CADM3: variants seen among roughly 807,000 people sequenced by gnomAD.
CADM3 encodes the protein TSLC1-like 1.
Under a neutral mutation model 44.9 loss-of-function variants are expected in CADM3, and 11 were observed. The ratio of observed to expected loss-of-function variants is 0.25; its 90% CI spans 0.15 to 0.41. The LOEUF is 0.41. Among genes scored for constraint, CADM3 ranks in the 10% least tolerant of loss-of-function variants. CADM3 has a pLI of 1.00. For missense variants in CADM3, 426 were observed against 512.0 expected (o/e 0.83, Z 1.62); for synonymous variants, 207 against 205.2 (o/e 1.01, Z -0.08).
At chr1:159,182,449 A>G (rs909572708) in intron 1 of CADM3, among the ~76,000 whole-genome samples, 2 of 152,168 alleles carry the variant, frequency 1.3e-5, no homozygotes, top group African/African-American at 4.8e-5. Flanking sequence ...TAAACTATCA[A>G]TGAGTACAGG....
At chr1:159,200,621 G>A (rs1650143139) in intron 8 of CADM3, among the ~76,000 whole-genome samples, 183 bp from the exon 9 acceptor site, 1 of 152,162 alleles carries the variant, frequency 6.6e-6, no homozygotes, top group Non-Finnish European at 1.5e-5. Flanking sequence ...ATTCATGAAG[G>A]GTGTGGTCAG....
At chr1:159,179,659 C>T (rs971930634) in intron 1 of CADM3, among the ~76,000 whole-genome samples, 1 of 152,158 alleles carries the variant, frequency 6.6e-6, no homozygotes, top group African/African-American at 2.4e-5. Flanking sequence ...TATGACCTGG[C>T]GCTTTGCTTC....
At chr1:159,183,378 A>G (rs1337296062) in intron 1 of CADM3, among the ~76,000 whole-genome samples, 1 of 152,192 alleles carries the variant, frequency 6.6e-6, no homozygotes, top group Non-Finnish European at 1.5e-5. Context: ...TAGTTTATCA[A>G]GAGGCTGCTT....
chr1:159,199,772 C>A lies in CADM3; in HGVS notation c.974C>A (p.Ser325Tyr), dbSNP rs747448204. The A allele has an allele frequency of 2.5e-6, 4 of 1,614,004 alleles. No individual in the cohort carries two copies. In the Admixed American group the frequency reaches 6.7e-5, roughly 27 times the overall value. ...NVNDPSPVPS[S>Y]SSTYHAIIGG... is the part of the protein sequence containing the mutation. ...CCAGACCCCAGTCCGGTGCCCTCCT[C>A]CTCCAGCACCTACCACGCCATCATC... Residue 325 changes from serine to tyrosine, a missense_variant, in exon 8 of 9, where the codon TCC becomes TAC. By Grantham distance (144) the Ser-to-Tyr change is moderately radical (BLOSUM62 -2). Coordinates refer to ENST00000368125, the MANE Select transcript of CADM3 (RefSeq NM_001127173.3).
intron 1 of CADM3, 43 bp from the exon 2 acceptor site, chr1:159,191,893 G>A (rs1649677573): frequency 3.7e-6 from 6 of 1,612,122 alleles, no homozygotes; most frequent in South Asian, 1.1e-5. Context: ...TGGGAGGAGG[G>A]GCTAGGGGTC....
intron 1 of CADM3, among the ~76,000 whole-genome samples, chr1:159,191,153 GTT>G (rs1343950382): frequency 1.3e-5 from 2 of 152,098 alleles, no homozygotes; most frequent in African/African-American, 4.8e-5. Flanking sequence ...TTTTTGTTTT[GTT>G]TTGTTTTGTT....
intron 8 of CADM3, 45 bp downstream of exon 8, chr1:159,199,921 G>C: frequency 6.2e-7 from 1 of 1,602,596 alleles, no homozygotes; most frequent in Non-Finnish European, 8.5e-7. Flanking sequence ...GGAGGGGCAG[G>C]GAGACCAATC....
intron 7 of CADM3, 133 bp from the exon 8 acceptor site, chr1:159,199,618 T>A: frequency 8.9e-7 from 1 of 1,123,128 alleles, no homozygotes. Context: ...TAAGGCATGA[T>A]GAATGACACT....
At chr1:159,197,180 C>G (rs565971836) in intron 7 of CADM3, 120 bp downstream of exon 7, 1 of 1,055,068 alleles carries the variant, frequency 9.5e-7, no homozygotes, top group South Asian at 1.6e-5. Context: ...TAAAGGAAAA[C>G]CAGCCCACCA....
At position 159,202,877 on chromosome 1, in the gene CADM3, C is replaced by T. The variant is rs372884857; in HGVS notation, c.*1955C>T. On this transcript the variant is annotated 3_prime_UTR_variant, in exon 9 of 9. Transcript: ENST00000368125. ...AGCAAGAGAGCCCTGGGGCCCCAGG[C>T]CTGTTGAGCTTCTTGTCTCCCAGCA... The T allele has an allele frequency of 6.6e-6, 1 of 151,666 alleles. No homozygotes were observed. The highest frequency in any genetic ancestry group is 2.4e-5 in the African/African-American group (1 of 41,248). The allele number at this position is 151,666 out of a possible 1,614,324, so 9.4% of individuals were successfully genotyped here. A position where few individuals can be genotyped will look rare whatever the true frequency, so the allele number is the denominator to read the frequency against.
chr1:159,180,158 G>A (rs1008595881), intron 1 of CADM3, among the ~76,000 whole-genome samples: 11 of 152,116 alleles, frequency 7.2e-5, no homozygotes, highest in Non-Finnish European at 1.6e-4. Flanking sequence ...CTGCTTTGGG[G>A]AGAATCTCTG....
At chr1:159,196,104 G>T (rs1649878984) in intron 5 of CADM3, 2 of 416,026 alleles carry the variant, frequency 4.8e-6, no homozygotes, top group East Asian at 4.4e-5. Flanking sequence ...TCCCTTCTCA[G>T]CTTTCTGTTA....
At chr1:159,180,697 A>G (rs1390285160) in intron 1 of CADM3, among the ~76,000 whole-genome samples, 1 of 151,984 alleles carries the variant, frequency 6.6e-6, no homozygotes, top group Admixed American at 6.6e-5. Context: ...TCTTCATGTA[A>G]TGCTCCTAAC....
rs3026990 is a variant in CADM3 at position 159,193,889 on chromosome 1, G to A, written c.540G>A (p.Gln180=). 2 of 1,614,086 alleles carry A rather than the reference G, an allele frequency of 1.2e-6. No individual in the cohort carries two copies. The highest frequency in any genetic ancestry group is 1.7e-5 in the Admixed American group (1 of 60,012). The part of the protein sequence containing the change: ...QELHGEPTRI[Q]EDPNGKTFTV... ...CTCTAGGAGAACCAACCCGCATACA[G>A]GAAGATCCCAATGGTAAAACCTTCA... Residue 180 remains glutamine (Q), a synonymous_variant, in exon 5 of 9, where the codon CAG becomes CAA. Transcript: ENST00000368125.
rs1571033830 is a variant in CADM3 at position 159,202,344 on chromosome 1, T to A, written c.*1422T>A. On this transcript the variant is annotated 3_prime_UTR_variant, in exon 9 of 9. Coordinates refer to ENST00000368125, the MANE Select transcript of CADM3 (RefSeq NM_001127173.3). The stretch of plus-strand genomic sequence containing the variant: ...CCCCGGGTGTGTGTTTGCCCAGCTG[T>A]CCATTCTATCTCTCCCTTAAACACA... The A allele has an allele frequency of 6.5e-6, 1 of 152,726 alleles. No homozygotes were observed. The highest frequency in any genetic ancestry group is 6.5e-5 in the Admixed American group (1 of 15,282). The allele number at this position is 152,726 out of a possible 1,614,324, so 9.5% of individuals were successfully genotyped here.
rs373357445 is a variant in CADM3 at position 159,192,778 on chromosome 1, C to T, written c.382+48C>T. 2.0e-4 allele frequency: 324 copies of T among 1,581,000 alleles called. No homozygotes were observed. The African/African-American group carries it at 3.8e-3, about 18-fold the overall frequency. On this transcript the variant is annotated intron_variant, in intron 3 of 8. Coordinates refer to ENST00000368125, the MANE Select transcript of CADM3 (RefSeq NM_001127173.3). Reference sequence around the variant, plus strand: ...TCTCTACAGCATGCTTCCTTGCAAACAAACCTCCCTAGATGGGTCCCTGAA... The same window carrying T: ...TCTCTACAGCATGCTTCCTTGCAAATAAACCTCCCTAGATGGGTCCCTGAA...
intron 5 of CADM3, 79 bp downstream of exon 5, chr1:159,194,119 C>A: frequency 1.4e-6 from 2 of 1,413,114 alleles, no homozygotes; most frequent in Non-Finnish European, 1.9e-6. Context: ...GGTGACTGTG[C>A]ATGAAACAAC....
At position 159,200,908 on chromosome 1, in the gene CADM3, G is replaced by A; in HGVS notation, c.1183G>A (p.Glu395Lys). 1 of 1,606,166 alleles carries A rather than the reference G, an allele frequency of 6.2e-7. No individual in the cohort carries two copies. Among genetic ancestry groups the A allele is most frequent in the Non-Finnish European group, 8.5e-7 (1 of 1,176,230 alleles). Residue 395 changes from glutamate (E) to lysine (K), a missense_variant, in exon 9 of 9, where the codon GAA (glutamate) becomes AAA (lysine). Glu to Lys is a moderately conservative substitution (Grantham distance 56, BLOSUM62 1). Transcript: ENST00000368125. ...GCAGTCAGGAGGGGACGACAAGAAG[G>A]AATATTTCATCTAGAGGCGCCTGCC... The part of the protein sequence containing the change: ...GGQSGGDDKK[E>K]YFI
At chr1:159,179,044 C>T (rs538880069) in intron 1 of CADM3, among the ~76,000 whole-genome samples, 1 of 152,198 alleles carries the variant, frequency 6.6e-6, no homozygotes, top group Admixed American at 6.5e-5. Flanking sequence ...TCTCTATGAG[C>T]GAGGCTTCAG....
Sources: allele counts gnomAD v4.1 joint callset (sites outside exome capture counted in the v4.1 genomes callset), GRCh38; gene constraint gnomAD v4.1.1; transcripts MANE v1.5; gene names NCBI Gene and HGNC (gene_info 2026-07-23, HGNC 2026-07-21).